The following EXOC4 variants were observed in gnomAD, a reference collection of about 807,000 sequenced individuals.
EXOC4 encodes SEC8-like 1.
EXOC4 carries 71 observed loss-of-function variants against 107.2 expected under a neutral mutation model. The ratio of observed to expected loss-of-function variants is 0.66; its 90% CI spans 0.55 to 0.81. EXOC4 has a LOEUF of 0.81. EXOC4 is among the 30% of genes least tolerant of loss of function. The probability of loss-of-function intolerance (pLI) is 0.00; values close to 1 mark genes in which losing one functional copy is unlikely to be tolerated. For synonymous variants in EXOC4, 456 were observed against 441.2 expected, an observed-to-expected ratio of 1.03 and a Z score of -0.42; for missense variants, 1,108 against 1,189.6, an observed-to-expected ratio of 0.93 and a Z score of 1.01.
chr7:133,352,455 AT>A (rs1157983890), intron 5 of EXOC4, among the ~76,000 whole-genome samples: 1 of 151,576 alleles, frequency 6.6e-6, no homozygotes, highest in East Asian at 1.9e-4. Context: ...TTTAAAGTCT[AT>A]TTTTTCTGCT....
Position 133,604,706 on chromosome 7 carries a change from CTTTCTTTTTTTTTTTTTTTTTT to C in EXOC4, c.1418-25335_1418-25314del, listed in dbSNP as rs1323602967. ...TTTTTCTTTCCTTCCTTCCTTCCTT[CTTTCTTTTTTTTTTTTTTTTTT>C]TTTTTTTTTTTTTGAGGCAGAGTCT... On this transcript the variant is annotated intron_variant, in intron 9 of 17. Transcript: ENST00000253861. Among the ~76,000 whole-genome samples the C allele has an allele frequency of 9.1e-5, 8 of 87,558 alleles. 1 individual carries two copies. The highest frequency in any genetic ancestry group is 1.8e-4 in the Non-Finnish European group (8 of 44,060). 57.4% of individuals were successfully genotyped at this position (87,558 alleles called of 152,430 possible).
intron 13 of EXOC4, among the ~76,000 whole-genome samples, chr7:133,929,019 G>A (rs547661525): frequency 4.5e-4 from 55 of 123,506 alleles, no homozygotes; most frequent in Middle Eastern, 6.8e-3. Context: ...TGCAACCTCC[G>A]CCTCCCGGGT....
At chr7:134,030,447 G>A (rs1795242679) in intron 17 of EXOC4, among the ~76,000 whole-genome samples, 1 of 152,166 alleles carries the variant, frequency 6.6e-6, no homozygotes, top group African/African-American at 2.4e-5. Context: ...AGTCTGTCCT[G>A]CAGACTCTGG....
At chr7:133,309,836 A>G (rs1794832290) in intron 4 of EXOC4, among the ~76,000 whole-genome samples, 1 of 152,162 alleles carries the variant, frequency 6.6e-6, no homozygotes, top group Non-Finnish European at 1.5e-5. Context: ...GCTACTCAGG[A>G]GGCTGTGGCA....
chr7:133,317,522 C>G, intron 5 of EXOC4, 132 bp downstream of exon 5: 1 of 632,212 alleles, frequency 1.6e-6, no homozygotes, highest in Non-Finnish European at 2.8e-6. Context: ...TGTGTTGGAA[C>G]CTGTGATGAG....
chr7:133,360,502 A>G (rs1165144910), intron 6 of EXOC4, among the ~76,000 whole-genome samples: 2 of 152,206 alleles, frequency 1.3e-5, no homozygotes, highest in East Asian at 1.9e-4. Context: ...CGTTGCTTCC[A>G]GGGAGACCTT....
chr7:133,268,952 A>G (rs765019293), intron 1 of EXOC4, among the ~76,000 whole-genome samples: 36 of 152,214 alleles, frequency 2.4e-4, no homozygotes, highest in Non-Finnish European at 3.4e-4. Flanking sequence ...GACCAGCTTA[A>G]CTGGAATCTA....
intron 7 of EXOC4, among the ~76,000 whole-genome samples, chr7:133,447,933 T>C (rs536503679): frequency 6.6e-6 from 1 of 152,328 alleles, no homozygotes; most frequent in African/African-American, 2.4e-5. Flanking sequence ...TATGTTGTGA[T>C]ATGTAATTCT....
At chr7:133,760,900 A>G (rs1796019388) in intron 10 of EXOC4, among the ~76,000 whole-genome samples, 2 of 152,202 alleles carry the variant, frequency 1.3e-5, no homozygotes, top group South Asian at 4.1e-4. Flanking sequence ...CAACATTCTA[A>G]GCAAATAAAC....
At chr7:133,760,839 G>T (rs1204874523) in intron 10 of EXOC4, among the ~76,000 whole-genome samples, 21 of 151,848 alleles carry the variant, frequency 1.4e-4, no homozygotes. Flanking sequence ...TGTAACAAAA[G>T]TATTTCCAAG....
At chr7:133,307,171 A>G (rs1415210245) in intron 4 of EXOC4, among the ~76,000 whole-genome samples, 2 of 152,182 alleles carry the variant, frequency 1.3e-5, no homozygotes, top group African/African-American at 4.8e-5. Context: ...AAAAAACGCC[A>G]AATTTGCTTG....
At chr7:133,754,216 T>A (rs763317299) in intron 10 of EXOC4, among the ~76,000 whole-genome samples, 1 of 152,140 alleles carries the variant, frequency 6.6e-6, no homozygotes, top group Non-Finnish European at 1.5e-5. Context: ...GCCACGGTGA[T>A]CCCCCAATTC....
chr7:133,826,977 C>T (rs1214859883), intron 11 of EXOC4, among the ~76,000 whole-genome samples: 4 of 152,276 alleles, frequency 2.6e-5, no homozygotes, highest in Middle Eastern at 6.8e-3. Flanking sequence ...ATGAATTCTG[C>T]GTCATTCCCT....
Position 133,395,739 on chromosome 7 carries a change from C to T in EXOC4, c.1182+20737C>T, listed in dbSNP as rs1019357984. Among the ~76,000 whole-genome samples, 6 of 152,202 alleles carry T rather than the reference C, an allele frequency of 3.9e-5. 1 individual carries two copies. In the South Asian group the frequency reaches 1.0e-3, roughly 26 times the overall value. ...CCATCTGTTCATTCTGTCTGTATTT[C>T]TGTGGGGATTTAATCTGACAGTGAA... On this transcript the variant is annotated intron_variant, in intron 7 of 17. Transcript: ENST00000253861.
chr7:133,295,239 AAC>A (rs1227402895), intron 3 of EXOC4, among the ~76,000 whole-genome samples: 1 of 152,024 alleles, frequency 6.6e-6, no homozygotes, highest in Non-Finnish European at 1.5e-5. Context: ...CTAAATGAAA[AAC>A]CAGCCCACCT....
At chr7:133,754,566 A>G (rs1795860007) in intron 10 of EXOC4, among the ~76,000 whole-genome samples, 2 of 152,276 alleles carry the variant, frequency 1.3e-5, no homozygotes, top group Admixed American at 1.3e-4. Context: ...GACTAAAGGG[A>G]AGATTCTACT....
At chr7:133,824,931 T>G (rs978520515) in intron 11 of EXOC4, among the ~76,000 whole-genome samples, 1 of 152,202 alleles carries the variant, frequency 6.6e-6, no homozygotes, top group Admixed American at 6.5e-5. Context: ...TAAGTCACAT[T>G]CTGAAGTTCC....
chr7:133,837,659 G>A (rs1464246460), intron 11 of EXOC4, among the ~76,000 whole-genome samples: 2 of 152,284 alleles, frequency 1.3e-5, no homozygotes, highest in East Asian at 3.9e-4. Context: ...TCAGATTATT[G>A]CCTGACATCT....
intron 12 of EXOC4, among the ~76,000 whole-genome samples, chr7:133,908,346 C>A (rs140624982): frequency 2.6e-5 from 4 of 152,208 alleles, no homozygotes; most frequent in Non-Finnish European, 5.9e-5. Flanking sequence ...AAGTTAATAA[C>A]GTGGCAAAGG....
Sources: gnomAD v4.1 joint callset for allele counts (sites outside exome capture counted in the v4.1 genomes callset) on GRCh38, gnomAD v4.1.1 for gene constraint, MANE v1.5 for transcripts, NCBI Gene and HGNC (gene_info 2026-07-23, HGNC 2026-07-21) for gene names.